Variants in ATXN7L1 observed in about 807,000 individuals in gnomAD.
The protein encoded by ATXN7L1 is ataxin-7-like protein 1.
ATXN7L1 carries 15 observed loss-of-function variants against 70.8 expected under a neutral mutation model. That is an observed-to-expected ratio of 0.21 (90% CI 0.14 to 0.33). ATXN7L1 has a LOEUF of 0.33. Ranked by LOEUF, ATXN7L1 falls within the 10% of genes least tolerant of loss-of-function variation. The pLI, the probability that ATXN7L1 is intolerant of heterozygous loss-of-function variation, is 1.00. For synonymous variants in ATXN7L1, 440 were observed against 445.1 expected (o/e 0.99, Z 0.14); for missense variants, 975 against 1,097.1 (o/e 0.89, Z 1.57).
chr7:105,844,632 A>G (rs944143652), intron 2 of ATXN7L1, among the ~76,000 whole-genome samples: 6 of 152,226 alleles, frequency 3.9e-5, no homozygotes, highest in African/African-American at 1.4e-4. Context: ...ACTTAATAGT[A>G]AGAGATTTAA....
chr7:105,839,149 C>T (rs975718611), intron 2 of ATXN7L1, among the ~76,000 whole-genome samples: 1 of 152,036 alleles, frequency 6.6e-6, no homozygotes, highest in African/African-American at 2.4e-5. Context: ...AGAGGTTTTT[C>T]CTTTTACAAA....
chr7:105,665,367 A>G (rs1271022686), intron 3 of ATXN7L1, 79 bp from the exon 4 acceptor site: 1 of 1,188,570 alleles, frequency 8.4e-7, no homozygotes, highest in Non-Finnish European at 1.2e-6. Context: ...ACACTCAAAC[A>G]CACAACAGGC....
chr7:105,842,380 T>A (rs1308792002), intron 2 of ATXN7L1, among the ~76,000 whole-genome samples: 1 of 152,190 alleles, frequency 6.6e-6, no homozygotes, highest in Non-Finnish European at 1.5e-5. Flanking sequence ...ATTCCCCTTT[T>A]TGCTCAGCCT....
intron 2 of ATXN7L1, among the ~76,000 whole-genome samples, chr7:105,853,223 A>T (rs1815150679): frequency 6.6e-6 from 1 of 152,248 alleles, no homozygotes; most frequent in African/African-American, 2.4e-5. Flanking sequence ...AAGTATTAAA[A>T]TTTTAAGTTA....
intron 2 of ATXN7L1, among the ~76,000 whole-genome samples, chr7:105,858,101 T>C (rs1585168351): frequency 6.6e-6 from 1 of 152,066 alleles, no homozygotes; most frequent in African/African-American, 2.4e-5. Context: ...TGTGGTAGTA[T>C]GTGCCTGTAG....
chr7:105,610,062 T>C (rs1027021600), intron 11 of ATXN7L1, among the ~76,000 whole-genome samples: 2 of 152,184 alleles, frequency 1.3e-5, no homozygotes, highest in Admixed American at 6.5e-5. Context: ...TGAGCCACCA[T>C]GCCCGGCCGC....
chr7:105,875,929 G>A lies in ATXN7L1; in HGVS notation c.182-49C>T, dbSNP rs779200663. ...AACAGAAAATAAGGAAAAAAGGGGG[G>A]AAAAAAGCCAAAGTCAAGGGGGGAG... On this transcript the variant is annotated intron_variant, in intron 1 of 11. Transcript: ENST00000419735. The A allele has an allele frequency of 2.6e-6, 4 of 1,547,848 alleles. No individual in the cohort carries two copies. The Admixed American group carries it at 6.8e-5, about 26-fold the overall frequency.
At chr7:105,834,196 C>T (rs1812038933) in intron 2 of ATXN7L1, among the ~76,000 whole-genome samples, 1 of 152,216 alleles carries the variant, frequency 6.6e-6, no homozygotes, top group South Asian at 2.1e-4. Flanking sequence ...GCATGTGCCA[C>T]CACGCCTGGC....
chr7:105,753,771 G>C (rs564526268), intron 3 of ATXN7L1, among the ~76,000 whole-genome samples: 3 of 152,310 alleles, frequency 2.0e-5, no homozygotes, highest in Non-Finnish European at 2.9e-5. Context: ...ACTGGGAAAG[G>C]ATCAGGCAGT....
intron 2 of ATXN7L1, among the ~76,000 whole-genome samples, chr7:105,826,614 T>C (rs941860952): frequency 6.6e-6 from 1 of 152,194 alleles, no homozygotes; most frequent in African/African-American, 2.4e-5. Context: ...TTGTGACTAT[T>C]TTGCAGAAGA....
intron 2 of ATXN7L1, among the ~76,000 whole-genome samples, chr7:105,841,622 G>A (rs1224230699): frequency 6.6e-6 from 1 of 152,102 alleles, no homozygotes; most frequent in Admixed American, 6.5e-5. Flanking sequence ...ATGGAAGGCT[G>A]TGGCATCTCG....
chr7:105,695,410 C>T (rs569433664), intron 3 of ATXN7L1, among the ~76,000 whole-genome samples: 1 of 152,336 alleles, frequency 6.6e-6, no homozygotes, highest in South Asian at 2.1e-4. Context: ...GGGTTCCTTT[C>T]CACAGTGTGG....
chr7:105,627,937 C>T (rs548943765), intron 7 of ATXN7L1, among the ~76,000 whole-genome samples: 8 of 150,684 alleles, frequency 5.3e-5, no homozygotes, highest in East Asian at 2.0e-4. Flanking sequence ...GTCTGCCACC[C>T]GGGTTCAAGC....
chr7:105,694,601 T>C (rs967369748), intron 3 of ATXN7L1, among the ~76,000 whole-genome samples: 2 of 152,184 alleles, frequency 1.3e-5, no homozygotes, highest in African/African-American at 2.4e-5. Flanking sequence ...CTCAGCCTCA[T>C]GGCCGATAAT....
chr7:105,684,504 AT>A (rs1805923567), intron 3 of ATXN7L1, among the ~76,000 whole-genome samples: 1 of 152,252 alleles, frequency 6.6e-6, no homozygotes, highest in East Asian at 1.9e-4. Flanking sequence ...TCCAATCTAG[AT>A]TTTTTATTTG....
At chr7:105,623,922 T>C (rs1478536759) in intron 8 of ATXN7L1, among the ~76,000 whole-genome samples, 153 bp downstream of exon 8, 1 of 152,240 alleles carries the variant, frequency 6.6e-6, no homozygotes, top group Non-Finnish European at 1.5e-5. Flanking sequence ...CAAGGGTATT[T>C]CTAAGGCAAT....
chr7:105,771,046 A>C (rs1801919157), intron 3 of ATXN7L1, among the ~76,000 whole-genome samples: 1 of 152,036 alleles, frequency 6.6e-6, no homozygotes, highest in African/African-American at 2.4e-5. Context: ...CTAAAAATAC[A>C]AAAATCAGCT....
intron 2 of ATXN7L1, among the ~76,000 whole-genome samples, chr7:105,849,062 C>T (rs941500750): frequency 1.2e-4 from 18 of 152,246 alleles, no homozygotes; most frequent in African/African-American, 4.3e-4. Flanking sequence ...AACCCCACGA[C>T]ACAGCAGTCT....
rs1794732577 is a variant in ATXN7L1, at chr7:105,620,326, G to C, written c.1396-5C>G. ...GCGACTCCCAAATGAGCAAAACTGTGAGGAAAAAAAAATTTTAATTTTGAT... is the reference window on the plus strand; with the variant it reads ...GCGACTCCCAAATGAGCAAAACTGTCAGGAAAAAAAAATTTTAATTTTGAT... On this transcript the variant is annotated splice_region_variant and splice_polypyrimidine_tract_variant and intron_variant, in intron 8 of 11. Transcript: ENST00000419735. The C allele has an allele frequency of 6.5e-7, 1 of 1,532,314 alleles. No homozygotes were observed. The highest frequency in any genetic ancestry group is 8.8e-7 in the Non-Finnish European group (1 of 1,141,024). 94.9% of individuals were successfully genotyped at this position (1,532,314 alleles called of 1,614,324 possible).
Sources: gnomAD v4.1 joint callset for allele counts (sites outside exome capture counted in the v4.1 genomes callset) on GRCh38, gnomAD v4.1.1 for gene constraint, MANE v1.5 for transcripts, NCBI Gene and HGNC (gene_info 2026-07-23, HGNC 2026-07-21) for gene names.